Variants in PTPRM observed in about 807,000 individuals in gnomAD.
PTPRM encodes the protein receptor-type tyrosine-protein phosphatase mu.
PTPRM carries 47 observed loss-of-function variants against 186.7 expected under a neutral mutation model. The observed-to-expected ratio is 0.25, with a 90% CI of 0.20 to 0.32. The LOEUF (loss-of-function observed/expected upper bound fraction) is 0.32. PTPRM is among the 10% of genes least tolerant of loss of function. The pLI, the probability that PTPRM is intolerant of heterozygous loss-of-function variation, is 1.00. For missense variants in PTPRM, 1,494 were observed against 1,865.0 expected (o/e 0.80, Z 3.66); for synonymous variants, 668 against 674.9 (o/e 0.99, Z 0.16).
In PTPRM at chr18:7,888,387, T is replaced by C. The variant is rs758251802; in HGVS notation, c.468+10T>C. 7 of 1,560,574 alleles carry C rather than the reference T, an allele frequency of 4.5e-6. No homozygotes were observed. In the South Asian group the frequency reaches 7.3e-5, roughly 16 times the overall value. On this transcript the variant is annotated intron_variant, in intron 3 of 32. Transcript: ENST00000580170. ...GCCTAACTTTTATCAGGTATGTGCT[T>C]TCTTTTTATTACATATTTTGAAGCA...
At chr18:8,224,031 A>G (rs2094184845) in intron 14 of PTPRM, among the ~76,000 whole-genome samples, 1 of 152,186 alleles carries the variant, frequency 6.6e-6, no homozygotes, top group African/African-American at 2.4e-5. Context: ...AAATCAAAAG[A>G]AAGTACAGTA....
At chr18:7,742,230 T>A (rs1418053341) in intron 1 of PTPRM, among the ~76,000 whole-genome samples, 1 of 152,234 alleles carries the variant, frequency 6.6e-6, no homozygotes, top group Non-Finnish European at 1.5e-5. Context: ...TTATTTTAAG[T>A]TACAGTGACT....
At chr18:7,613,534 A>G (rs1473492777) in intron 1 of PTPRM, among the ~76,000 whole-genome samples, 1 of 152,136 alleles carries the variant, frequency 6.6e-6, no homozygotes, top group African/African-American at 2.4e-5. Flanking sequence ...TTAGCCAGGC[A>G]TGGTGGCATG....
At chr18:8,073,029 A>G (rs1270193239) in intron 8 of PTPRM, among the ~76,000 whole-genome samples, 2 of 152,068 alleles carry the variant, frequency 1.3e-5, no homozygotes, top group Non-Finnish European at 2.9e-5. Context: ...AGTACATTCT[A>G]ATAAGTCCAT....
rs75048132 is a variant in PTPRM, at chr18:7,641,064, T to C, written c.73+73173T>C. ...TCCCAAGAACATATAAACTATGATC[T>C]GTTCAACATGCAGGTCTTTTCAGCT... On this transcript the variant is annotated intron_variant, in intron 1 of 32. Transcript: ENST00000580170. Among the ~76,000 whole-genome samples the C allele has an allele frequency of 3.0e-3, 459 of 152,354 alleles. 3 individuals are homozygous for C. Among genetic ancestry groups the C allele is most frequent in the Admixed American group, 0.019 (298 of 15,308 alleles).
intron 14 of PTPRM, among the ~76,000 whole-genome samples, chr18:8,165,180 A>AAG (rs2093302985): frequency 6.6e-6 from 1 of 151,820 alleles, no homozygotes; most frequent in African/African-American, 2.4e-5. Context: ...AAAAAAAAAA[A>AAG]AAAGAAAGAA....
intron 23 of PTPRM, chr18:8,360,849 C>G (rs1159289324): frequency 2.0e-5 from 3 of 152,180 alleles, no homozygotes; most frequent in Non-Finnish European, 2.9e-5. Flanking sequence ...TGTCTTTATT[C>G]TAGAGTAACA....
chr18:8,261,992 A>G lies in PTPRM; in HGVS notation c.2754+8578A>G, dbSNP rs547469168. Among the ~76,000 whole-genome samples, 4 of 151,438 alleles carry G rather than the reference A, an allele frequency of 2.6e-5. No homozygotes were observed. In the East Asian group the frequency reaches 7.8e-4, roughly 29 times the overall value. On this transcript the variant is annotated intron_variant, in intron 19 of 32. Transcript: ENST00000580170. ...ATAGTGAACGTGCCCGTGTGCCAGCATCTGCGGACCTTATGTGTGTCTGGT... is the reference window on the plus strand; with the variant it reads ...ATAGTGAACGTGCCCGTGTGCCAGCGTCTGCGGACCTTATGTGTGTCTGGT...
chr18:7,605,236 G>A, intron 1 of PTPRM, among the ~76,000 whole-genome samples: 1 of 152,088 alleles, frequency 6.6e-6, no homozygotes, highest in East Asian at 1.9e-4. Flanking sequence ...TTTGTTTTGG[G>A]CCACATTCAA....
intron 1 of PTPRM, among the ~76,000 whole-genome samples, chr18:7,605,430 C>A (rs1319523205): frequency 4.0e-5 from 6 of 150,426 alleles, no homozygotes; most frequent in Admixed American, 4.0e-4. Context: ...CCCCCCCCCA[C>A]TTCCGTTCTA....
intron 1 of PTPRM, among the ~76,000 whole-genome samples, chr18:7,588,512 T>C (rs941274407): frequency 2.6e-5 from 4 of 152,208 alleles, no homozygotes; most frequent in Admixed American, 6.5e-5. Context: ...TGTGAGTTTT[T>C]ATTGTATAAT....
intron 19 of PTPRM, among the ~76,000 whole-genome samples, chr18:8,282,045 G>T (rs894076338): frequency 7.9e-5 from 12 of 151,920 alleles, no homozygotes; most frequent in Non-Finnish European, 1.3e-4. Flanking sequence ...CATATCAAAG[G>T]ATTCATATCT....
intron 9 of PTPRM, among the ~76,000 whole-genome samples, chr18:8,082,899 C>G (rs989373619): frequency 6.6e-6 from 1 of 152,086 alleles, no homozygotes; most frequent in Non-Finnish European, 1.5e-5. Context: ...ATGTTCCATT[C>G]TTTTCGATAC....
intron 19 of PTPRM, among the ~76,000 whole-genome samples, chr18:8,264,283 C>A (rs1054823555): frequency 1.1e-4 from 16 of 152,182 alleles, no homozygotes; most frequent in Non-Finnish European, 1.5e-4. Flanking sequence ...GACTGTAGTG[C>A]ATTTCATAAC....
chr18:7,791,264 T>G (rs2043330514), intron 2 of PTPRM, among the ~76,000 whole-genome samples: 1 of 152,148 alleles, frequency 6.6e-6, no homozygotes, highest in Non-Finnish European at 1.5e-5. Context: ...TAAAGAACTT[T>G]CCAAAGAAAA....
At chr18:8,065,897 G>T (rs2089032980) in intron 7 of PTPRM, among the ~76,000 whole-genome samples, 1 of 152,050 alleles carries the variant, frequency 6.6e-6, no homozygotes, top group Non-Finnish European at 1.5e-5. Context: ...TGGTTATGAA[G>T]TTGCCATTTG....
chr18:7,634,823 AG>A (rs1157429045), intron 1 of PTPRM, among the ~76,000 whole-genome samples: 1 of 152,188 alleles, frequency 6.6e-6, no homozygotes, highest in African/African-American at 2.4e-5. Flanking sequence ...GATCTCAATT[AG>A]TGTAGAAAGC....
intron 1 of PTPRM, among the ~76,000 whole-genome samples, chr18:7,722,514 G>C (rs1162129195): frequency 6.6e-6 from 1 of 152,144 alleles, no homozygotes; most frequent in African/African-American, 2.4e-5. Flanking sequence ...AGTGAAGCCA[G>C]ATAAATACTA....
chr18:7,677,574 C>A (rs1198313879), intron 1 of PTPRM, among the ~76,000 whole-genome samples: 2 of 152,150 alleles, frequency 1.3e-5, no homozygotes, highest in East Asian at 1.9e-4. Context: ...AGACTGAGTT[C>A]TTGGTACACG....
Sources: gnomAD v4.1 joint callset for allele counts (sites outside exome capture counted in the v4.1 genomes callset) on GRCh38, gnomAD v4.1.1 for gene constraint, MANE v1.5 for transcripts, NCBI Gene and HGNC (gene_info 2026-07-23, HGNC 2026-07-21) for gene names.